The following CCK variants were observed in gnomAD, a reference collection of about 807,000 sequenced individuals.
CCK encodes the protein cholecystokinin, also known as cholecystokinin triacontatriapeptide.
Under a neutral mutation model 10.1 loss-of-function variants are expected in CCK, and 11 were observed. The ratio of observed to expected loss-of-function variants is 1.09; its 90% CI spans 0.69 to 1.81. The LOEUF is 1.81. Among genes scored for constraint, CCK ranks in the 40% most tolerant of loss-of-function variants. The pLI is 0.00. For missense variants in CCK, 137 were observed against 159.9 expected, an observed-to-expected ratio of 0.86 and a Z score of 0.77; for synonymous variants, 83 against 71.9, an observed-to-expected ratio of 1.15 and a Z score of -0.78.
Position 42,257,855 on chromosome 3 carries a change from A to T in CCK, c.*243T>A. 1 of 469,706 alleles carries T rather than the reference A, an allele frequency of 2.1e-6. No individual in the cohort carries two copies. The allele number at this position is 469,706 out of a possible 1,614,324, so 29.1% of individuals were successfully genotyped here. A position where few individuals can be genotyped will look rare whatever the true frequency, so the allele number is the denominator to read the frequency against. Reference sequence around the variant, plus strand: ...ATGAAATCACTTTAATAGCATAACAACATTTTCAGACCAGGAGTCACAGAT... The same window carrying T: ...ATGAAATCACTTTAATAGCATAACATCATTTTCAGACCAGGAGTCACAGAT... On this transcript the variant is annotated 3_prime_UTR_variant, in exon 5 of 5. Coordinates refer to ENST00000396169, the MANE Select transcript of CCK (RefSeq NM_000729.6).
At position 42,257,880 on chromosome 3, in the gene CCK, T is replaced by C. The variant is rs992482131; in HGVS notation, c.*218A>G. On this transcript the variant is annotated 3_prime_UTR_variant, in exon 5 of 5. Coordinates refer to ENST00000396169, the MANE Select transcript of CCK (RefSeq NM_000729.6). ...ACATTTTCAGACCAGGAGTCACAGA[T>C]GAAGAAAACATTTTGTCTTCCATTT... The C allele has an allele frequency of 3.9e-6, 2 of 507,002 alleles. No individual in the cohort carries two copies. The highest frequency in any genetic ancestry group is 6.9e-6 in the Non-Finnish European group (2 of 289,492). The allele number at this position is 507,002 out of a possible 1,614,324, so 31.4% of individuals were successfully genotyped here. A position where few individuals can be genotyped will look rare whatever the true frequency, so the allele number is the denominator to read the frequency against.
intron 3 of CCK, 181 bp from the exon 4 acceptor site, chr3:42,263,813 C>A (rs1711251888): frequency 1.0e-5 from 11 of 1,049,998 alleles, no homozygotes; most frequent in Middle Eastern, 3.1e-4. Context: ...GCGCGCGCCC[C>A]CGGGCGCACC....
At position 42,263,421 on chromosome 3, in the gene CCK, C is replaced by A; in HGVS notation, c.210G>T (p.Arg70=). The change falls in exon 4 of 5, where the codon CGG becomes CGT. Residue 70 remains arginine (R), a synonymous_variant. Coordinates refer to ENST00000396169, the MANE Select transcript of CCK (RefSeq NM_000729.6). Reference sequence around the variant, plus strand: ...ATGGGGAGGCAGCATTCTTACCTTTCCGGGCCTGCTGGATGTATCTTGCCA... The same window carrying A: ...ATGGGGAGGCAGCATTCTTACCTTTACGGGCCTGCTGGATGTATCTTGCCA... ...ALLARYIQQA[R]KAPSGRMSIV... 1 of 1,614,186 alleles carries A rather than the reference C, an allele frequency of 6.2e-7. No homozygotes were observed. Among genetic ancestry groups the A allele is most frequent in the Non-Finnish European group, 8.5e-7 (1 of 1,180,028 alleles).
chr3:42,263,317 A>C, intron 4 of CCK, 100 bp downstream of exon 4: 1 of 1,565,654 alleles, frequency 6.4e-7, no homozygotes, highest in Non-Finnish European at 8.8e-7. Context: ...TTTCCTACCG[A>C]GAGAGGTCAT....
intron 4 of CCK, among the ~76,000 whole-genome samples, chr3:42,260,302 G>A (rs919612512): frequency 1.3e-5 from 2 of 152,148 alleles, no homozygotes; most frequent in Admixed American, 6.5e-5. Context: ...TATAGACCCA[G>A]TTACCTGTAC....
chr3:42,262,819 C>T (rs1711235961), intron 4 of CCK, among the ~76,000 whole-genome samples: 1 of 152,212 alleles, frequency 6.6e-6, no homozygotes, highest in African/African-American at 2.4e-5. Context: ...AACTGACTTG[C>T]TCAGCTCTTG....
chr3:42,263,397 TG>T lies in CCK; in HGVS notation c.214+19del. ...TGGGAACAAGGGCAGAAGTGAGGGA[TG>T]GGGAGGCAGCATTCTTACCTTTCCG... On this transcript the variant is annotated intron_variant, in intron 4 of 4. Coordinates refer to ENST00000396169, the MANE Select transcript of CCK (RefSeq NM_000729.6). 3 of 1,613,962 alleles carry T rather than the reference TG, an allele frequency of 1.9e-6. No homozygotes were observed. Among genetic ancestry groups the T allele is most frequent in the Non-Finnish European group, 2.5e-6 (3 of 1,179,972 alleles).
rs1233108461 is a variant in CCK at position 42,263,470 on chromosome 3, G to A, written c.161C>T (p.Ser54Phe). ...CAGCAGGGCGCCCAGGTGCGCTCGG[G>A]ACTCGCCATCCGTTCTCTGCGATAC... ...LRVSQRTDGE[S>F]RAHLGALLAR... Residue 54 changes from serine (S) to phenylalanine (F), a missense_variant, in exon 4 of 5, where the codon TCC (serine) becomes TTC (phenylalanine). Transcript: ENST00000396169. 1.9e-6 allele frequency: 3 copies of A among 1,614,166 alleles called. No homozygotes were observed. In the South Asian group the frequency reaches 3.3e-5, roughly 18 times the overall value.
At chr3:42,261,559 A>G (rs1711212810) in intron 4 of CCK, among the ~76,000 whole-genome samples, 1 of 152,102 alleles carries the variant, frequency 6.6e-6, no homozygotes, top group Non-Finnish European at 1.5e-5. Context: ...GATTTATGCT[A>G]TAAGAGCCAT....
chr3:42,260,632 A>G (rs1351806372), intron 4 of CCK, among the ~76,000 whole-genome samples: 2 of 152,192 alleles, frequency 1.3e-5, no homozygotes, highest in African/African-American at 2.4e-5. Flanking sequence ...CCTGATTCCT[A>G]TGGGCCACAA....
intron 4 of CCK, among the ~76,000 whole-genome samples, chr3:42,259,443 CAGTA>C (rs1346854742): frequency 3.9e-5 from 6 of 152,036 alleles, no homozygotes; most frequent in African/African-American, 1.4e-4. Flanking sequence ...TGTCATTTAT[CAGTA>C]AGTGTTTTGA....
At chr3:42,260,136 C>T (rs1711191331) in intron 4 of CCK, among the ~76,000 whole-genome samples, 1 of 152,204 alleles carries the variant, frequency 6.6e-6, no homozygotes, top group African/African-American at 2.4e-5. Context: ...CTTTCTCTCC[C>T]CAACCCCAAC....
intron 4 of CCK, 142 bp from the exon 5 acceptor site, chr3:42,258,373 TG>T (rs111921938): frequency 0.08 from 65,215 of 818,612 alleles, 2,899 homozygotes; most frequent in East Asian, 0.12. Flanking sequence ...ATCAAAGTAG[TG>T]GAACTGATGG....
At chr3:42,261,582 G>T (rs4377469) in intron 4 of CCK, among the ~76,000 whole-genome samples, 118,100 of 151,442 alleles carry the variant, frequency 0.78, 47,940 homozygotes, top group Non-Finnish European at 0.89. Flanking sequence ...TCTAGTATTG[G>T]TTCTAGGAAA....
At chr3:42,263,059 G>C in intron 4 of CCK, 1 of 373,726 alleles carries the variant, frequency 2.7e-6, no homozygotes. Context: ...TCCAAGGGTT[G>C]GTATCTGGGT....
In CCK at chr3:42,263,615, A is replaced by G; in HGVS notation, c.16T>C (p.Cys6Arg). 6.3e-7 allele frequency: 1 copy of G among 1,599,648 alleles called. No individual in the cohort carries two copies. The highest frequency in any genetic ancestry group is 1.1e-5 in the South Asian group (1 of 88,878). MNSGV[C>R]LCVLMAVLAA... ...AGTACCGCCATCAGCACGCACAGGC[A>G]CACGCCGCTGTTCATGGCTGTAGCG... Residue 6 changes from cysteine (C) to arginine (R), a missense_variant, in exon 4 of 5, where the codon TGC becomes CGC. Coordinates refer to ENST00000396169, the MANE Select transcript of CCK (RefSeq NM_000729.6).
intron 4 of CCK, 152 bp from the exon 5 acceptor site, chr3:42,258,383 G>T: frequency 1.3e-6 from 1 of 758,212 alleles, no homozygotes; most frequent in East Asian, 2.7e-5. Context: ...TGGAACTGAT[G>T]GACCAAAATC....
rs1486080727 is a variant in CCK, at chr3:42,258,247, A to G, written c.215-16T>C. The stretch of plus-strand genomic sequence containing the variant: ...CCAGAAGGAGCTACAAGGAGCAGGG[A>G]GGAAGGAAACAGGGACATTGCATCT... On this transcript the variant is annotated splice_polypyrimidine_tract_variant and intron_variant, in intron 4 of 4. Transcript: ENST00000396169. 1.9e-6 allele frequency: 3 copies of G among 1,608,490 alleles called. No homozygotes were observed. Among genetic ancestry groups the G allele is most frequent in the East Asian group, 2.2e-5 (1 of 44,872 alleles).
Position 42,265,865 on chromosome 3 carries a change from A to C in CCK, c.-564T>G, listed in dbSNP as rs1027720613. On this transcript the variant is annotated 5_prime_UTR_variant, in exon 1 of 5. Coordinates refer to ENST00000396169, the MANE Select transcript of CCK (RefSeq NM_000729.6). Reference sequence around the variant, plus strand: ...GTGCGCTCTGGTCGTCTACACCCTGAAACCCTTTGAGTTCGAGTCCGCTTG... The same window carrying C: ...GTGCGCTCTGGTCGTCTACACCCTGCAACCCTTTGAGTTCGAGTCCGCTTG... The C allele has an allele frequency of 6.6e-6, 1 of 152,252 alleles. No homozygotes were observed. The highest frequency in any genetic ancestry group is 2.4e-5 in the African/African-American group (1 of 41,434). 9.4% of individuals were successfully genotyped at this position (152,252 alleles called of 1,614,324 possible).
Sources: gnomAD v4.1 joint callset for allele counts (sites outside exome capture counted in the v4.1 genomes callset) on GRCh38, gnomAD v4.1.1 for gene constraint, MANE v1.5 for transcripts, NCBI Gene and HGNC (gene_info 2026-07-23, HGNC 2026-07-21) for gene names.